UBE2O: variants seen among roughly 807,000 people sequenced by gnomAD.
The protein encoded by UBE2O is (E3-independent) E2 ubiquitin-conjugating enzyme.
A neutral mutation model predicts 125.8 loss-of-function variants in UBE2O; 15 were observed. That is an observed-to-expected ratio of 0.12 (90% CI 0.08 to 0.18). The LOEUF is 0.18. UBE2O is among the 10% of genes least tolerant of loss of function. The probability of loss-of-function intolerance (pLI) is 1.00; values close to 1 mark genes in which losing one functional copy is unlikely to be tolerated. For synonymous variants in UBE2O, 708 were observed against 703.2 expected, an observed-to-expected ratio of 1.01 and a Z score of -0.11; for missense variants, 1,280 against 1,723.6, an observed-to-expected ratio of 0.74 and a Z score of 4.56.
chr17:76,412,257 G>A (rs964984120), intron 1 of UBE2O, among the ~76,000 whole-genome samples: 3 of 152,184 alleles, frequency 2.0e-5, no homozygotes, highest in African/African-American at 7.2e-5. Context: ...GACTGAAGCT[G>A]TTGACCTAGG....
intron 1 of UBE2O, among the ~76,000 whole-genome samples, chr17:76,433,873 G>A (rs913389638): frequency 2.0e-5 from 3 of 152,126 alleles, no homozygotes; most frequent in African/African-American, 7.2e-5. Flanking sequence ...AACTTAAAAA[G>A]AAATGAAAAT....
Position 76,390,830 on chromosome 17 carries a change from G to A in UBE2O, c.*113C>T, listed in dbSNP as rs1422408585. On this transcript the variant is annotated 3_prime_UTR_variant, in exon 18 of 18. Transcript: ENST00000319380. ...AACTCACCTTGGGGAGAAGAGGGCA[G>A]TGGGTTTGCAGTGGGGACAGAGGGG... 2 of 1,083,850 alleles carry A rather than the reference G, an allele frequency of 1.8e-6. No homozygotes were observed. Among genetic ancestry groups the A allele is most frequent in the Non-Finnish European group, 1.3e-6 (1 of 758,758 alleles). 67.1% of individuals were successfully genotyped at this position (1,083,850 alleles called of 1,614,324 possible).
In UBE2O at chr17:76,398,777, C is replaced by T. The variant is rs904233975; in HGVS notation, c.1783+60G>A. The T allele has an allele frequency of 2.5e-5, 40 of 1,588,076 alleles. No individual in the cohort carries two copies. The highest frequency in any genetic ancestry group is 9.4e-6 in the Non-Finnish European group (11 of 1,166,526). ...GATCCACTGCCCATTCTCCACAAGC[C>T]CCAACCCGGGCCCTCATTGGCGACC... On this transcript the variant is annotated intron_variant, in intron 10 of 17. Coordinates refer to ENST00000319380, the MANE Select transcript of UBE2O (RefSeq NM_022066.4). The surrounding 1 kb of genome is among the most constrained non-coding windows in gnomAD (Gnocchi z 5.4).
Position 76,452,714 on chromosome 17 carries a change from GC to G in UBE2O, c.417+10del. 7.2e-7 allele frequency: 1 copy of G among 1,381,930 alleles called. No homozygotes were observed. Among genetic ancestry groups the G allele is most frequent in the South Asian group, 1.7e-5 (1 of 59,672 alleles). The allele number at this position is 1,381,930 out of a possible 1,614,324, so 85.6% of individuals were successfully genotyped here. A position where few individuals can be genotyped will look rare whatever the true frequency, so the allele number is the denominator to read the frequency against. ...CTGCCGCCCGCGCCGCCCAGCCCCC[GC>G]CCGCCGCACCTTGGTCTCCTTCACA... On this transcript the variant is annotated intron_variant, in intron 1 of 17. Transcript: ENST00000319380. This position sits in a 1 kb window ranked among gnomAD's most constrained non-coding sequence, Gnocchi z 4.4.
intron 1 of UBE2O, among the ~76,000 whole-genome samples, chr17:76,417,129 G>A (rs561399662): frequency 2.6e-5 from 4 of 152,358 alleles, no homozygotes; most frequent in Admixed American, 2.6e-4. Flanking sequence ...GGCCCTTCCG[G>A]CTACAGCTCC....
intron 1 of UBE2O, among the ~76,000 whole-genome samples, chr17:76,406,232 G>T (rs564653914): frequency 3.7e-4 from 56 of 152,304 alleles, no homozygotes; most frequent in African/African-American, 1.3e-3. Flanking sequence ...AGCTGGCAGC[G>T]GCCACTGCCT....
At chr17:76,419,020 G>A (rs562562136) in intron 1 of UBE2O, among the ~76,000 whole-genome samples, 12 of 151,968 alleles carry the variant, frequency 7.9e-5, no homozygotes, top group African/African-American at 1.5e-4. Context: ...ACGGTGACTC[G>A]CGCTGTAATA....
rs2073281556 is a variant in UBE2O, at chr17:76,452,914, G to A, written c.228C>T (p.Phe76=). The A allele has an allele frequency of 1.3e-6, 2 of 1,497,088 alleles. No homozygotes were observed. Among genetic ancestry groups the A allele is most frequent in the Non-Finnish European group, 8.9e-7 (1 of 1,122,590 alleles). The allele number at this position is 1,497,088 out of a possible 1,614,324, so 92.7% of individuals were successfully genotyped here. The change falls in exon 1 of 18, where the codon TTC becomes TTT. Residue 76 remains phenylalanine, a synonymous_variant. Coordinates refer to ENST00000319380, the MANE Select transcript of UBE2O (RefSeq NM_022066.4). This position sits in a 1 kb window ranked among gnomAD's most constrained non-coding sequence, Gnocchi z 4.4. ...CGCCGTGGATGAGGCGCACCAGCCC[G>A]AAGTGCACGGAGCCACGGTAACGGC... ...VSGRYRGSVH[F]GLVRLIHGED...
chr17:76,430,882 A>C, intron 1 of UBE2O: 1 of 411,262 alleles, frequency 2.4e-6, no homozygotes, highest in Admixed American at 2.6e-5. Flanking sequence ...CTGCAGGCAC[A>C]AAAAAGTTGC....
rs1368922109 is a variant in UBE2O, at chr17:76,452,149, A to G, written c.417+576T>C. Among the ~76,000 whole-genome samples the G allele has an allele frequency of 6.6e-6, 1 of 152,160 alleles. No individual in the cohort carries two copies. The highest frequency in any genetic ancestry group is 1.9e-4 in the East Asian group (1 of 5,188). ...TCTGATTGCTAATGATTTTACTCAC[A>G]AAGTTCCCTGCAGCAATTAAAAGGA... On this transcript the variant is annotated intron_variant, in intron 1 of 17. Transcript: ENST00000319380. This position sits in a 1 kb window ranked among gnomAD's most constrained non-coding sequence, Gnocchi z 4.4.
chr17:76,425,063 G>A (rs1235624327), intron 1 of UBE2O, among the ~76,000 whole-genome samples: 1 of 150,902 alleles, frequency 6.6e-6, no homozygotes, highest in Admixed American at 6.6e-5. Flanking sequence ...AGTAGAGACG[G>A]GATTTGACCA....
chr17:76,410,640 C>T lies in UBE2O; in HGVS notation c.418-5068G>A, dbSNP rs562310816. 5.3e-5 allele frequency among the ~76,000 whole-genome samples: 8 copies of T among 152,240 alleles called. No individual in the cohort carries two copies. The highest frequency in any genetic ancestry group is 1.9e-4 in the East Asian group (1 of 5,172). On this transcript the variant is annotated intron_variant, in intron 1 of 17. Transcript: ENST00000319380. The surrounding 1 kb of genome is among the most constrained non-coding windows in gnomAD (Gnocchi z 4.0). ...GGGACAATGCCAGGGCAGAGGGCAA[C>T]GTGGCAGGAGGCTGGGCACTTCTGT...
At chr17:76,423,472 T>A (rs1270375454) in intron 1 of UBE2O, among the ~76,000 whole-genome samples, 1 of 151,790 alleles carries the variant, frequency 6.6e-6, no homozygotes, top group Non-Finnish European at 1.5e-5. Flanking sequence ...GGTGGGAGGA[T>A]CATGAGGTCA....
intron 5 of UBE2O, among the ~76,000 whole-genome samples, chr17:76,401,469 T>G (rs2072323241): frequency 6.6e-6 from 1 of 152,216 alleles, no homozygotes; most frequent in African/African-American, 2.4e-5. Context: ...CCTGTATATC[T>G]ACTTGTTTGC....
Position 76,398,173 on chromosome 17 carries a change from G to A in UBE2O, c.2025+82C>T, listed in dbSNP as rs2072249934. On this transcript the variant is annotated intron_variant, in intron 12 of 17. Transcript: ENST00000319380. This position sits in a 1 kb window ranked among gnomAD's most constrained non-coding sequence, Gnocchi z 5.4. ...GGACTTTCAGGTCTTGTCTCCTAGA[G>A]CCACCTGGTGGCAGCATCAGGGACT... The A allele has an allele frequency of 6.3e-7, 1 of 1,590,664 alleles. No individual in the cohort carries two copies. The highest frequency in any genetic ancestry group is 1.3e-5 in the African/African-American group (1 of 74,668).
intron 1 of UBE2O, among the ~76,000 whole-genome samples, chr17:76,409,423 G>A (rs1159378805): frequency 6.6e-6 from 1 of 151,098 alleles, no homozygotes; most frequent in Non-Finnish European, 1.5e-5. Context: ...TTGAGACAGA[G>A]TCTCGCTTTG....
intron 1 of UBE2O, among the ~76,000 whole-genome samples, chr17:76,423,075 G>C (rs1029330585): frequency 6.6e-6 from 1 of 152,210 alleles, no homozygotes; most frequent in Admixed American, 6.5e-5. Flanking sequence ...CCAATGGCGG[G>C]GCCTGGAGAA....
At chr17:76,392,606 T>C (rs1394679310) in intron 15 of UBE2O, among the ~76,000 whole-genome samples, 1 of 151,500 alleles carries the variant, frequency 6.6e-6, no homozygotes, top group African/African-American at 2.4e-5. Context: ...AGAGAAATAC[T>C]CGAAGTGAGT....
chr17:76,391,266 C>G lies in UBE2O; in HGVS notation c.3556G>C (p.Glu1186Gln). Residue 1186 changes from glutamate to glutamine, a missense_variant, in exon 18 of 18, where the codon GAG (glutamate) becomes CAG (glutamine). Physicochemically the swap from Glu to Gln is conservative, Grantham distance 29. This residue lies in a region of UBE2O where 233 missense variants were observed against 279.0 expected (regional missense o/e 0.84). Transcript: ENST00000319380. The surrounding 1 kb of genome is among the most constrained non-coding windows in gnomAD (Gnocchi z 8.4). ...ELSDSGQQEP[E>Q]DGGPAPGEAS... ...TCTCCTGGGGCTGGCCCTCCATCCT[C>G]AGGTTCTTGTTGGCCGGAGTCTGAC... 6.2e-7 allele frequency: 1 copy of G among 1,613,178 alleles called. No individual in the cohort carries two copies. Among genetic ancestry groups the G allele is most frequent in the Non-Finnish European group, 8.5e-7 (1 of 1,179,926 alleles).
Sources: gnomAD v4.1 joint callset for allele counts (sites outside exome capture counted in the v4.1 genomes callset) on GRCh38, gnomAD v4.1.1 for gene constraint, gnomAD v4.1.1 regional missense constraint, Gnocchi (gnomAD v3.1) non-coding constraint, MANE v1.5 for transcripts, NCBI Gene and HGNC (gene_info 2026-07-23, HGNC 2026-07-21) for gene names.